Variants in DHX30 observed in about 807,000 individuals in gnomAD.
DHX30 encodes the protein DExH-box helicase 30.
DHX30 carries 4 observed loss-of-function variants against 116.9 expected under a neutral mutation model. That is an observed-to-expected ratio of 0.03 (90% CI 0.02 to 0.08). The LOEUF (loss-of-function observed/expected upper bound fraction) is 0.08, where lower values mean the gene tolerates loss of function less well. DHX30 is among the 10% of genes least tolerant of loss of function. The probability of loss-of-function intolerance (pLI) is 1.00; values close to 1 mark genes in which losing one functional copy is unlikely to be tolerated. For missense variants in DHX30, 871 were observed against 1,595.1 expected, an observed-to-expected ratio of 0.55 and a Z score of 7.73; for synonymous variants, 697 against 651.7, an observed-to-expected ratio of 1.07 and a Z score of -1.06.
At chr3:47,829,924 C>T (rs1410607763) in intron 6 of DHX30, among the ~76,000 whole-genome samples, 2 of 150,770 alleles carry the variant, frequency 1.3e-5, no homozygotes, top group African/African-American at 2.4e-5. Context: ...CTCTGCCTCC[C>T]GGGTTCATGC....
At chr3:47,819,298 G>T (rs1243709866) in intron 4 of DHX30, 1 of 1,367,538 alleles carries the variant, frequency 7.3e-7, no homozygotes. Flanking sequence ...ATGTGCTTTG[G>T]CTAAGCTTGA....
Position 47,849,783 on chromosome 3 carries a change from G to A in DHX30, c.3331+14G>A. ...TGCACATCCGTGGTGGGTGCCTGCAGGCCTCCCGCCCACCCCGCTCTGCAG... is the reference window on the plus strand; with the variant it reads ...TGCACATCCGTGGTGGGTGCCTGCAAGCCTCCCGCCCACCCCGCTCTGCAG... On this transcript the variant is annotated intron_variant, in intron 21 of 21. Coordinates refer to ENST00000445061, the MANE Select transcript of DHX30 (RefSeq NM_138615.3). The A allele has an allele frequency of 1.2e-6, 2 of 1,609,776 alleles. No homozygotes were observed. The highest frequency in any genetic ancestry group is 1.7e-6 in the Non-Finnish European group (2 of 1,177,088).
At chr3:47,816,764 G>C (rs1015825945) in intron 3 of DHX30, 6 of 985,498 alleles carry the variant, frequency 6.1e-6, no homozygotes, top group Non-Finnish European at 6.0e-6. Flanking sequence ...AGCTGGGACT[G>C]TGGGGGAGGA....
intron 3 of DHX30, among the ~76,000 whole-genome samples, chr3:47,811,873 G>A (rs1485446807): frequency 1.3e-5 from 2 of 151,996 alleles, no homozygotes; most frequent in African/African-American, 2.4e-5. Flanking sequence ...AGACCAGCCT[G>A]GACAACACAG....
At chr3:47,836,084 G>T (rs1221236716) in intron 6 of DHX30, among the ~76,000 whole-genome samples, 1 of 152,226 alleles carries the variant, frequency 6.6e-6, no homozygotes, top group Admixed American at 6.5e-5. Context: ...CTGCCTGGCT[G>T]ACTGGCTGGC....
intron 3 of DHX30, among the ~76,000 whole-genome samples, chr3:47,811,599 T>C (rs192270103): frequency 8.1e-4 from 123 of 152,300 alleles, no homozygotes; most frequent in Middle Eastern, 6.8e-3. Context: ...AGAGGTTTAA[T>C]TGGCTCACAT....
At chr3:47,831,934 T>C (rs973373310) in intron 6 of DHX30, among the ~76,000 whole-genome samples, 2 of 148,918 alleles carry the variant, frequency 1.3e-5, no homozygotes, top group African/African-American at 4.9e-5. Context: ...CTTTTTCTTT[T>C]TTTTTTTTTT....
chr3:47,818,180 A>G (rs1353660692), intron 4 of DHX30, 63 bp downstream of exon 4: 1 of 741,884 alleles, frequency 1.3e-6, no homozygotes, highest in Non-Finnish European at 2.5e-6. Context: ...GGTGGGTGGC[A>G]ATGGGAGCCC....
At chr3:47,844,192 G>A (rs1425770300) in intron 9 of DHX30, among the ~76,000 whole-genome samples, 3 of 152,228 alleles carry the variant, frequency 2.0e-5, no homozygotes, top group Non-Finnish European at 2.9e-5. Context: ...CATGGGTACA[G>A]TTGGCTCTGG....
intron 4 of DHX30, among the ~76,000 whole-genome samples, chr3:47,823,092 C>CA (rs548519483): frequency 0.016 from 826 of 52,624 alleles, 8 homozygotes; most frequent in African/African-American, 0.032. Flanking sequence ...GACTCCATCT[C>CA]AAAAAAAAAA....
chr3:47,818,982 C>T (rs2036175988), intron 4 of DHX30, among the ~76,000 whole-genome samples: 2 of 152,148 alleles, frequency 1.3e-5, no homozygotes, highest in Non-Finnish European at 2.9e-5. Context: ...CTTTGAAGGT[C>T]AAGAGCTCAG....
intron 4 of DHX30, chr3:47,825,049 G>A: frequency 1.5e-6 from 1 of 656,652 alleles, no homozygotes; most frequent in East Asian, 3.2e-5. Flanking sequence ...GATGGCGGCC[G>A]CTAGGAGACT....
At chr3:47,829,287 G>GATATATATATATAT (rs1189388149) in intron 6 of DHX30, among the ~76,000 whole-genome samples, 153 bp downstream of exon 6, 3 of 35,842 alleles carry the variant, frequency 8.4e-5, no homozygotes, top group Admixed American at 4.3e-4. Flanking sequence ...CAGCCAATGA[G>GATATATATATATAT]ATATATATAT....
At chr3:47,813,014 A>G (rs533614353) in intron 3 of DHX30, among the ~76,000 whole-genome samples, 16 of 151,604 alleles carry the variant, frequency 1.1e-4, no homozygotes, top group Admixed American at 8.5e-4. Flanking sequence ...CACTATATCA[A>G]AGTCATTCTT....
At chr3:47,841,772 C>T (rs1277376227) in intron 8 of DHX30, 35 bp downstream of exon 8, 17 of 1,613,800 alleles carry the variant, frequency 1.1e-5, no homozygotes, top group East Asian at 4.5e-5. Flanking sequence ...GTGTGGGGGC[C>T]GTTTACTTGG....
rs751184330 is a variant in DHX30, at chr3:47,848,558, G to GGGGCT, written c.2575+27_2575+31dup. On this transcript the variant is annotated intron_variant, in intron 16 of 21. Coordinates refer to ENST00000445061, the MANE Select transcript of DHX30 (RefSeq NM_138615.3). This position sits in a 1 kb window ranked among gnomAD's most constrained non-coding sequence, Gnocchi z 9.4. Reference sequence around the variant, plus strand: ...TCTTGCTCCAGGAGATCGGTATGTAGGGGCTGGGCTGGGCTGGGCTGGGGA... The same window carrying GGGGCT: ...TCTTGCTCCAGGAGATCGGTATGTAGGGGCTGGGCTGGGCTGGGCTGGGCTGGGGA... The GGGGCT allele has an allele frequency of 8.9e-5, 143 of 1,612,900 alleles. 1 individual carries two copies. Among genetic ancestry groups the GGGGCT allele is most frequent in the Middle Eastern group, 1.7e-4 (1 of 6,058 alleles).
intron 2 of DHX30, among the ~76,000 whole-genome samples, chr3:47,809,951 T>C (rs1326907450): frequency 6.6e-6 from 1 of 152,240 alleles, no homozygotes; most frequent in East Asian, 1.9e-4. Context: ...ACCAGATGTG[T>C]TGCTTTTTTT....
intron 6 of DHX30, among the ~76,000 whole-genome samples, chr3:47,837,055 G>T (rs1005454785): frequency 6.6e-6 from 1 of 152,234 alleles, no homozygotes; most frequent in African/African-American, 2.4e-5. Flanking sequence ...CAAGAAGAAG[G>T]TGTCCACGGG....
At chr3:47,843,807 T>G (rs775696635) in intron 9 of DHX30, among the ~76,000 whole-genome samples, 24 of 152,178 alleles carry the variant, frequency 1.6e-4, no homozygotes, top group Non-Finnish European at 2.8e-4. Flanking sequence ...TAAGCGATCC[T>G]TTCACCTCAG....
Sources: allele counts gnomAD v4.1 joint callset (sites outside exome capture counted in the v4.1 genomes callset), GRCh38; gene constraint gnomAD v4.1.1; non-coding constraint Gnocchi (gnomAD v3.1); transcripts MANE v1.5; gene names NCBI Gene and HGNC (gene_info 2026-07-23, HGNC 2026-07-21).